Variants in PGM3 observed in about 807,000 individuals in gnomAD.
The protein encoded by PGM3 is phosphoglucomutase 3, also known as phosphoacetylglucosamine mutase.
Under a neutral mutation model 66.2 loss-of-function variants are expected in PGM3, and 40 were observed. The ratio of observed to expected loss-of-function variants is 0.60; its 90% CI spans 0.47 to 0.79. The LOEUF is 0.79. PGM3 is among the 30% of genes least tolerant of loss of function. PGM3 has a pLI of 0.00. For synonymous variants in PGM3, 191 were observed against 224.2 expected (o/e 0.85, Z 1.32); for missense variants, 537 against 643.4 (o/e 0.83, Z 1.79).
At chr6:83,158,974 G>A (rs62419256), downstream of PGM3, among the ~76,000 whole-genome samples, 202 of 152,228 alleles carry the variant, frequency 1.3e-3, 2 homozygotes, top group Non-Finnish European at 2.1e-3. Flanking sequence ...CAGGCTATTC[G>A]TATATGCAGA....
chr6:83,156,391 C>T (rs1782796237), downstream of PGM3, among the ~76,000 whole-genome samples: 1 of 152,122 alleles, frequency 6.6e-6, no homozygotes, highest in East Asian at 1.9e-4. Flanking sequence ...TGCGGGCAGT[C>T]ATGTTAGCAT....
chr6:83,168,045 T>C lies in PGM3; in HGVS notation c.*1189A>G. 2 of 1,614,144 alleles carry C rather than the reference T, an allele frequency of 1.2e-6. No homozygotes were observed. Among genetic ancestry groups the C allele is most frequent in the Non-Finnish European group, 1.7e-6 (2 of 1,180,016 alleles). On this transcript the variant is annotated 3_prime_UTR_variant, in exon 13 of 13. Coordinates refer to ENST00000513973, the MANE Select transcript of PGM3 (RefSeq NM_015599.3). ...ACACTCAGGGAGTCCTATCCTCTAC[T>C]CAAATGCCTTCCCTAATAAGGACAT...
Position 83,172,665 on chromosome 6 carries a change from AAAC to A in PGM3, c.1243-609_1243-607del, listed in dbSNP as rs558981637. Among the ~76,000 whole-genome samples the A allele has an allele frequency of 2.7e-3, 411 of 152,048 alleles. 2 individuals carry two copies. The highest frequency in any genetic ancestry group is 8.8e-3 in the African/African-American group (364 of 41,390). On this transcript the variant is annotated intron_variant, in intron 10 of 12. Coordinates refer to ENST00000513973, the MANE Select transcript of PGM3 (RefSeq NM_015599.3). ...CAGAGCGAGACTCCATCTCAAAACA[AAAC>A]AACAACAACAACAAAAAAAACCCAC...
chr6:83,165,820 G>T lies in PGM3; in HGVS notation c.*3414C>A. ...TGAAAAGAATTGGGCCCTTTCTGGT[G>T]GCCAATGCCGGCTGCAGGCATTGCA... is the stretch of plus-strand genomic sequence containing the variant. On this transcript the variant is annotated 3_prime_UTR_variant, in exon 13 of 13. Coordinates refer to ENST00000513973, the MANE Select transcript of PGM3 (RefSeq NM_015599.3). 1 of 314,138 alleles carries T rather than the reference G, an allele frequency of 3.2e-6. No homozygotes were observed. Among genetic ancestry groups the T allele is most frequent in the Non-Finnish European group, 6.4e-6 (1 of 156,522 alleles). The allele number at this position is 314,138 out of a possible 1,614,324, so 19.5% of individuals were successfully genotyped here. A position where few individuals can be genotyped will look rare whatever the true frequency, so the allele number is the denominator to read the frequency against.
chr6:83,160,048 T>C, downstream of PGM3: 1 of 1,300,140 alleles, frequency 7.7e-7, no homozygotes, highest in Non-Finnish European at 1.1e-6. Context: ...AAAAGTTTTT[T>C]GTGTAAGTTG....
At chr6:83,183,119 T>C (rs946253379) in intron 4 of PGM3, 141 bp from the exon 5 acceptor site, 1 of 729,966 alleles carries the variant, frequency 1.4e-6, no homozygotes, top group African/African-American at 1.8e-5. Context: ...AAAATGATCT[T>C]AAAAAGAAAT....
downstream of PGM3, among the ~76,000 whole-genome samples, chr6:83,157,799 C>T (rs186769868): frequency 5.3e-4 from 81 of 152,244 alleles, no homozygotes; most frequent in African/African-American, 1.2e-3. Context: ...ACCTACCAAA[C>T]GGTAAAACCT....
At chr6:83,172,152 T>C (rs1787267515) in intron 10 of PGM3, 93 bp from the exon 11 acceptor site, 1 of 1,257,554 alleles carries the variant, frequency 8.0e-7, no homozygotes, top group South Asian at 1.3e-5. Flanking sequence ...ACAGTACAGG[T>C]TGAACAACCT....
chr6:83,169,492 G>C, intron 12 of PGM3, 169 bp from the exon 13 acceptor site: 2 of 743,624 alleles, frequency 2.7e-6, no homozygotes, highest in East Asian at 2.8e-5. Flanking sequence ...AAATTCCAAA[G>C]CCCTTAAATA....
chr6:83,178,838 C>T (rs902122584), intron 7 of PGM3, 82 bp from the exon 8 acceptor site: 29 of 830,640 alleles, frequency 3.5e-5, no homozygotes, highest in Non-Finnish European at 4.2e-6. Flanking sequence ...TAAAGGCTAC[C>T]AAAATTATCA....
In PGM3 at chr6:83,171,559, C is replaced by T. The variant is rs140981040; in HGVS notation, c.1365+378G>A. On this transcript the variant is annotated intron_variant, in intron 11 of 12. Transcript: ENST00000513973. ...AGGCCAGAGTGCAATGGCATAATCT[C>T]GGCTCACTGCAACCTCTGCCTCCCA... Among the ~76,000 whole-genome samples the T allele has an allele frequency of 4.8e-3, 732 of 152,262 alleles. 7 individuals are homozygous for T. Among genetic ancestry groups the T allele is most frequent in the African/African-American group, 0.017 (700 of 41,554 alleles).
rs1488782092 is a variant in PGM3 at position 83,166,351 on chromosome 6, A to G, written c.*2883T>C. On this transcript the variant is annotated 3_prime_UTR_variant, in exon 13 of 13. Transcript: ENST00000513973. ...ACTGGCCACTGCACTCCTCATCTTC[A>G]AGGCTCTAGTCTCCTTTGCAAAACT... is the stretch of plus-strand genomic sequence containing the variant. 2 of 692,904 alleles carry G rather than the reference A, an allele frequency of 2.9e-6. No individual in the cohort carries two copies. Among genetic ancestry groups the G allele is most frequent in the East Asian group, 5.4e-5 (2 of 37,138 alleles). The allele number at this position is 692,904 out of a possible 1,614,324, so 42.9% of individuals were successfully genotyped here.
At chr6:83,191,148 G>C in intron 1 of PGM3, 134 bp from the exon 2 acceptor site, 1 of 1,481,992 alleles carries the variant, frequency 6.7e-7, no homozygotes. Context: ...GTTTGACAGA[G>C]CAATGGGCAG....
At chr6:83,184,841 A>G (rs1243363088) in intron 4 of PGM3, among the ~76,000 whole-genome samples, 1 of 152,174 alleles carries the variant, frequency 6.6e-6, no homozygotes, top group Non-Finnish European at 1.5e-5. Flanking sequence ...GTCCCATTGC[A>G]TCTGGAATAG....
chr6:83,173,778 C>G (rs1017711385), intron 10 of PGM3, among the ~76,000 whole-genome samples: 1 of 152,134 alleles, frequency 6.6e-6, no homozygotes, highest in South Asian at 2.1e-4. Flanking sequence ...GCTCTGTCAC[C>G]CAGGCTGGAG....
chr6:83,161,593 G>A (rs1308351702), downstream of PGM3, among the ~76,000 whole-genome samples: 1 of 152,094 alleles, frequency 6.6e-6, no homozygotes, highest in African/African-American at 2.4e-5. Context: ...TTATAGGATG[G>A]TTTCTAAACA....
chr6:83,159,913 G>C (rs1783838007), downstream of PGM3: 1 of 1,613,918 alleles, frequency 6.2e-7, no homozygotes, highest in Non-Finnish European at 8.5e-7. Flanking sequence ...GCAAATTTTT[G>C]GATTTGGCTC....
At chr6:83,157,524 G>C (rs1342027711), downstream of PGM3, among the ~76,000 whole-genome samples, 1 of 152,208 alleles carries the variant, frequency 6.6e-6, no homozygotes, top group Non-Finnish European at 1.5e-5. Flanking sequence ...CAACATAGAT[G>C]GATGGCCAGC....
intron 4 of PGM3, among the ~76,000 whole-genome samples, chr6:83,184,631 G>T (rs557898458): frequency 1.3e-5 from 2 of 152,144 alleles, no homozygotes; most frequent in African/African-American, 4.8e-5. Context: ...TCAGAAACCT[G>T]GAATGTGTTC....
Sources: allele counts gnomAD v4.1 joint callset (sites outside exome capture counted in the v4.1 genomes callset), GRCh38; gene constraint gnomAD v4.1.1; transcripts MANE v1.5; gene names NCBI Gene and HGNC (gene_info 2026-07-23, HGNC 2026-07-21).